ACER3: variants seen among roughly 807,000 people sequenced by gnomAD.
ACER3 encodes alkCDase 3.
In ACER3, 16 loss-of-function variants were observed where a neutral mutation model predicts 48.9. The ratio of observed to expected loss-of-function variants is 0.33; its 90% CI spans 0.22 to 0.50. ACER3 has a LOEUF of 0.50. Among genes scored for constraint, ACER3 ranks in the 20% least tolerant of loss-of-function variants. ACER3 has a pLI of 0.98. For synonymous variants in ACER3, 109 were observed against 107.8 expected, an observed-to-expected ratio of 1.01 and a Z score of -0.07; for missense variants, 227 against 326.0, an observed-to-expected ratio of 0.70 and a Z score of 2.34.
In ACER3 at chr11:77,015,000, G is replaced by GT. The variant is rs782335203; in HGVS notation, c.498-12dup. On this transcript the variant is annotated splice_polypyrimidine_tract_variant and intron_variant, in intron 7 of 10. Coordinates refer to ENST00000532485, the MANE Select transcript of ACER3 (RefSeq NM_018367.7). ...TGAGAAAATTTTATTTTGCTTTTCT[G>GT]TTTTCCCCCCCACAGGGTTTATCCA... The GT allele has an allele frequency of 1.4e-6, 2 of 1,473,492 alleles. No individual in the cohort carries two copies. The highest frequency in any genetic ancestry group is 3.5e-5 in the Admixed American group (2 of 57,822). The allele number at this position is 1,473,492 out of a possible 1,614,324, so 91.3% of individuals were successfully genotyped here.
intron 6 of ACER3, among the ~76,000 whole-genome samples, chr11:76,993,912 T>C (rs1246876323): frequency 6.6e-6 from 1 of 152,202 alleles, no homozygotes; most frequent in Non-Finnish European, 1.5e-5. Context: ...TGCAGCCCAG[T>C]TCCTAAAAGG....
rs191477733 is a variant in ACER3 at position 76,994,835 on chromosome 11, G to A, written c.439-3928G>A. On this transcript the variant is annotated intron_variant, in intron 6 of 10. Transcript: ENST00000532485. Reference sequence around the variant, plus strand: ...ATGGGTTTGGATTACTGGTGAGGTGGTTAGGTCATGAGGAGCCCTTTATAC... The same window carrying A: ...ATGGGTTTGGATTACTGGTGAGGTGATTAGGTCATGAGGAGCCCTTTATAC... Among the ~76,000 whole-genome samples, 215 of 152,260 alleles carry A rather than the reference G, an allele frequency of 1.4e-3. 2 individuals are homozygous for A. Among genetic ancestry groups the A allele is most frequent in the African/African-American group, 4.9e-3 (204 of 41,558 alleles).
intron 2 of ACER3, among the ~76,000 whole-genome samples, chr11:76,938,305 G>T (rs1167791397): frequency 6.6e-6 from 1 of 152,102 alleles, no homozygotes; most frequent in Non-Finnish European, 1.5e-5. Flanking sequence ...TTGACCCATT[G>T]CATTAGAAAA....
At chr11:76,894,564 G>A (rs1945884415) in intron 1 of ACER3, among the ~76,000 whole-genome samples, 1 of 152,152 alleles carries the variant, frequency 6.6e-6, no homozygotes, top group Admixed American at 6.5e-5. Context: ...CTAGTAAATA[G>A]TGAGACTACT....
At chr11:76,958,328 G>A (rs10793219) in intron 2 of ACER3, among the ~76,000 whole-genome samples, 86,443 of 150,972 alleles carry the variant, frequency 0.57, 27,889 homozygotes, top group Non-Finnish European at 0.74. Context: ...CTGGTATTAC[G>A]GGGGCCTGCC....
In ACER3 at chr11:76,970,366, G is replaced by A. The variant is rs188894424; in HGVS notation, c.268-5923G>A. ...TCTCTGATACTCTTGCCAAACATGC[G>A]TAATCTGAATTTAATATTATGAAAA... is the stretch of plus-strand genomic sequence containing the variant. On this transcript the variant is annotated intron_variant, in intron 3 of 10. Coordinates refer to ENST00000532485, the MANE Select transcript of ACER3 (RefSeq NM_018367.7). Among the ~76,000 whole-genome samples, 256 of 152,206 alleles carry A rather than the reference G, an allele frequency of 1.7e-3. 3 individuals carry two copies. Among genetic ancestry groups the A allele is most frequent in the African/African-American group, 5.8e-3 (240 of 41,522 alleles).
At chr11:76,964,670 T>G (rs1268926080) in intron 3 of ACER3, among the ~76,000 whole-genome samples, 1 of 151,316 alleles carries the variant, frequency 6.6e-6, no homozygotes, top group African/African-American at 2.5e-5. Flanking sequence ...TCCTCTGTTC[T>G]GCAGCCACCA....
At chr11:76,926,437 T>A in intron 1 of ACER3, 120 bp from the exon 2 acceptor site, 1 of 507,144 alleles carries the variant, frequency 2.0e-6, no homozygotes, top group East Asian at 3.4e-5. Flanking sequence ...CTTGAAAATA[T>A]CTTCCCAATG....
chr11:76,924,848 C>T (rs1201463769), intron 1 of ACER3, among the ~76,000 whole-genome samples: 3 of 151,746 alleles, frequency 2.0e-5, no homozygotes, highest in African/African-American at 4.8e-5. Flanking sequence ...TGATGGCATG[C>T]ACCTGTGTTC....
At chr11:76,913,387 C>T (rs1312356329) in intron 1 of ACER3, among the ~76,000 whole-genome samples, 2 of 152,298 alleles carry the variant, frequency 1.3e-5, no homozygotes, top group East Asian at 1.9e-4. Context: ...ATTGCCCTGG[C>T]CGGAACTTCC....
chr11:77,017,047 C>A (rs1027171983), intron 9 of ACER3, among the ~76,000 whole-genome samples: 1 of 151,994 alleles, frequency 6.6e-6, no homozygotes, highest in Non-Finnish European at 1.5e-5. Context: ...AAATTAATGT[C>A]ACATTTAAAA....
intron 7 of ACER3, among the ~76,000 whole-genome samples, chr11:77,008,769 T>C (rs1448230912): frequency 6.6e-6 from 1 of 152,168 alleles, no homozygotes; most frequent in Non-Finnish European, 1.5e-5. Context: ...GAACATAAAA[T>C]TCCAGGCTGG....
chr11:76,958,483 G>A (rs186293766), intron 2 of ACER3, among the ~76,000 whole-genome samples: 6 of 152,174 alleles, frequency 3.9e-5, no homozygotes, highest in Non-Finnish European at 1.5e-5. Flanking sequence ...CACTGTGTCC[G>A]GCCAGCAACT....
rs189494192 is a variant in ACER3 at position 76,953,171 on chromosome 11, G to A, written c.215-5808G>A. On this transcript the variant is annotated intron_variant, in intron 2 of 10. Transcript: ENST00000532485. ...CTACAAGCTACAGTGGAAGAAATCA[G>A]CGGAGCCAAATTATGAAGCTCCATG... 7.9e-5 allele frequency among the ~76,000 whole-genome samples: 12 copies of A among 152,302 alleles called. No individual in the cohort carries two copies. In the East Asian group the frequency reaches 2.3e-3, roughly 29 times the overall value.
At chr11:76,985,951 G>C (rs1270336990) in intron 5 of ACER3, among the ~76,000 whole-genome samples, 4 of 152,080 alleles carry the variant, frequency 2.6e-5, no homozygotes, top group Non-Finnish European at 4.4e-5. Context: ...AAGGGAAAAA[G>C]CAAAAAAGCA....
intron 2 of ACER3, among the ~76,000 whole-genome samples, chr11:76,937,121 A>T (rs901999838): frequency 6.6e-6 from 1 of 152,240 alleles, no homozygotes; most frequent in Non-Finnish European, 1.5e-5. Context: ...GCTCACAAGT[A>T]TAAGAAAAAA....
intron 1 of ACER3, among the ~76,000 whole-genome samples, chr11:76,888,879 T>A (rs755414802): frequency 2.0e-5 from 3 of 152,234 alleles, no homozygotes; most frequent in Non-Finnish European, 4.4e-5. Context: ...AGGCTATGGA[T>A]ACCAGGAGAT....
intron 2 of ACER3, among the ~76,000 whole-genome samples, chr11:76,945,363 G>A (rs1275856289): frequency 6.6e-6 from 1 of 152,106 alleles, no homozygotes; most frequent in African/African-American, 2.4e-5. Context: ...TGCTTTTGCA[G>A]GGCAGAATTT....
intron 1 of ACER3, among the ~76,000 whole-genome samples, chr11:76,919,065 G>T (rs1946615397): frequency 6.6e-6 from 1 of 152,206 alleles, no homozygotes; most frequent in African/African-American, 2.4e-5. Context: ...GACTGGGCAG[G>T]ACGGCTTTTC....
Sources: gnomAD v4.1 joint callset for allele counts (sites outside exome capture counted in the v4.1 genomes callset) on GRCh38, gnomAD v4.1.1 for gene constraint, MANE v1.5 for transcripts, NCBI Gene and HGNC (gene_info 2026-07-23, HGNC 2026-07-21) for gene names.